The following RASSF5 variants were observed in gnomAD, a reference collection of about 807,000 sequenced individuals.
The protein encoded by RASSF5 is ras association domain-containing protein 5.
In RASSF5, 25 loss-of-function variants were observed where a neutral mutation model predicts 40.5. The observed-to-expected ratio is 0.62, with a 90% CI of 0.45 to 0.86. The LOEUF (loss-of-function observed/expected upper bound fraction) is 0.86, where lower values mean the gene tolerates loss of function less well. RASSF5 is among the 40% of genes least tolerant of loss of function. RASSF5 has a pLI of 0.00. For missense variants in RASSF5, 521 were observed against 572.8 expected (o/e 0.91, Z 0.92); for synonymous variants, 246 against 252.4 (o/e 0.97, Z 0.24).
At chr1:206,570,931 C>T (rs1668430968) in intron 2 of RASSF5, among the ~76,000 whole-genome samples, 1 of 152,090 alleles carries the variant, frequency 6.6e-6, no homozygotes, top group Non-Finnish European at 1.5e-5. Flanking sequence ...TCCTTGCTCT[C>T]ACATCTTCTG....
At chr1:206,529,172 C>G in intron 1 of RASSF5, 1 of 1,497,892 alleles carries the variant, frequency 6.7e-7, no homozygotes, top group Non-Finnish European at 9.0e-7. Flanking sequence ...CCCTGGACCG[C>G]CAAACAGCTA....
intron 2 of RASSF5, among the ~76,000 whole-genome samples, chr1:206,556,289 C>A (rs1223840241): frequency 6.6e-6 from 1 of 152,200 alleles, no homozygotes; most frequent in Non-Finnish European, 1.5e-5. Flanking sequence ...TGACTCCGAG[C>A]CTTACTTTTC....
At chr1:206,548,944 C>A (rs1667767858) in intron 2 of RASSF5, among the ~76,000 whole-genome samples, 1 of 152,044 alleles carries the variant, frequency 6.6e-6, no homozygotes, top group African/African-American at 2.4e-5. Context: ...CGGCTCACTG[C>A]AACCTCTGTC....
chr1:206,534,132 A>C (rs569904568), intron 1 of RASSF5, among the ~76,000 whole-genome samples: 4 of 152,344 alleles, frequency 2.6e-5, no homozygotes, highest in Admixed American at 2.0e-4. Context: ...ACTTGGTTCC[A>C]GTGGTCCTGG....
At chr1:206,566,884 C>T (rs562335822) in intron 2 of RASSF5, among the ~76,000 whole-genome samples, 12 of 152,224 alleles carry the variant, frequency 7.9e-5, no homozygotes, top group East Asian at 3.9e-4. Flanking sequence ...TCCCCTGGCA[C>T]GTGGTAAGTG....
chr1:206,548,904 T>C (rs7548167), intron 2 of RASSF5, among the ~76,000 whole-genome samples: 9,121 of 152,218 alleles, frequency 0.06, 891 homozygotes, highest in African/African-American at 0.21. Flanking sequence ...CTCGCTCTGT[T>C]GCCCGGGCTG....
At chr1:206,566,097 C>T (rs1293210597) in intron 2 of RASSF5, among the ~76,000 whole-genome samples, 4 of 152,126 alleles carry the variant, frequency 2.6e-5, no homozygotes, top group African/African-American at 9.7e-5. Context: ...ATGTCGCTGG[C>T]GGAATTTCTG....
intron 2 of RASSF5, among the ~76,000 whole-genome samples, chr1:206,541,462 G>A (rs145354139): frequency 1.4e-3 from 212 of 152,248 alleles, no homozygotes; most frequent in African/African-American, 4.6e-3. Context: ...AGAATCCCCA[G>A]TGGCAAACTC....
intron 2 of RASSF5, chr1:206,543,733 T>G (rs1454333189): frequency 1.3e-5 from 2 of 152,180 alleles, no homozygotes; most frequent in Admixed American, 6.5e-5. Flanking sequence ...AGCCAAATGC[T>G]TTTCATATGT....
At chr1:206,554,502 C>T (rs1018775296) in intron 2 of RASSF5, among the ~76,000 whole-genome samples, 2 of 152,186 alleles carry the variant, frequency 1.3e-5, no homozygotes, top group Admixed American at 6.5e-5. Context: ...AACCCCAGCA[C>T]GACGCCATGG....
intron 2 of RASSF5, among the ~76,000 whole-genome samples, chr1:206,574,076 C>A (rs1668548212): frequency 6.6e-6 from 1 of 152,220 alleles, no homozygotes; most frequent in Admixed American, 6.5e-5. Flanking sequence ...TATAATGAGG[C>A]TCTGCAGGGG....
At chr1:206,511,862 C>T (rs1666623623) in intron 1 of RASSF5, among the ~76,000 whole-genome samples, 3 of 152,258 alleles carry the variant, frequency 2.0e-5, no homozygotes, top group Admixed American at 2.0e-4. Flanking sequence ...CGTGACAGCC[C>T]CCGATCCTGC....
chr1:206,513,347 G>A lies in RASSF5; in HGVS notation c.457+5288G>A, dbSNP rs745889559. On this transcript the variant is annotated intron_variant, in intron 1 of 5. Coordinates refer to ENST00000579436, the MANE Select transcript of RASSF5 (RefSeq NM_182663.4). The surrounding 1 kb of genome is among the most constrained non-coding windows in gnomAD (Gnocchi z 5.0). ...GCCTCACCAGAGGCCCTTCCTGTTC[G>A]CATTCCTCAGATGGCAAGGTGAGTA... is the stretch of plus-strand genomic sequence containing the variant. Among the ~76,000 whole-genome samples, 3 of 152,198 alleles carry A rather than the reference G, an allele frequency of 2.0e-5. No individual in the cohort carries two copies. Among genetic ancestry groups the A allele is most frequent in the African/African-American group, 4.8e-5 (2 of 41,444 alleles).
Position 206,508,011 on chromosome 1 carries a change from T to C in RASSF5, c.409T>C (p.Cys137Arg), listed in dbSNP as rs1344063691. 3 of 1,484,998 alleles carry C rather than the reference T, an allele frequency of 2.0e-6. No homozygotes were observed. The highest frequency in any genetic ancestry group is 4.4e-5 in the Admixed American group (2 of 45,826). The allele number at this position is 1,484,998 out of a possible 1,614,324, so 92.0% of individuals were successfully genotyped here. Reference protein sequence around the residue: ...ELVLPGGPGWCDLCGREVLRQ... With the variant: ...ELVLPGGPGWRDLCGREVLRQ... ...GGTGCTGCCGGGCGGCCCCGGCTGG[T>C]GTGACCTGTGCGGACGAGAGGTGCT... The change falls in exon 1 of 6, where the codon TGT becomes CGT. Residue 137 changes from cysteine (C) to arginine (R), a missense_variant. Cys to Arg is a radical substitution (Grantham distance 180). Coordinates refer to ENST00000579436, the MANE Select transcript of RASSF5 (RefSeq NM_182663.4).
Position 206,507,985 on chromosome 1 carries a change from T to C in RASSF5, c.383T>C (p.Leu128Ser), listed in dbSNP as rs782782706. Residue 128 changes from leucine (L) to serine (S), a missense_variant, in exon 1 of 6, where the codon TTG (leucine) becomes TCG (serine). By Grantham distance (145) the Leu-to-Ser change is moderately radical (BLOSUM62 -2). Coordinates refer to ENST00000579436, the MANE Select transcript of RASSF5 (RefSeq NM_182663.4). ...ERGEGHCFAE[L>S]VLPGGPGWCD... ...GGCGAGGGGCACTGCTTCGCCGAGT[T>C]GGTGCTGCCGGGCGGCCCCGGCTGG... 6.5e-7 allele frequency: 1 copy of C among 1,533,038 alleles called. No homozygotes were observed. Among genetic ancestry groups the C allele is most frequent in the East Asian group, 2.6e-5 (1 of 38,944 alleles). 95.0% of individuals were successfully genotyped at this position (1,533,038 alleles called of 1,614,324 possible). A position where few individuals can be genotyped will look rare whatever the true frequency, so the allele number is the denominator to read the frequency against.
chr1:206,527,463 T>C (rs1169983586), intron 1 of RASSF5, among the ~76,000 whole-genome samples: 7 of 152,152 alleles, frequency 4.6e-5, no homozygotes, highest in Non-Finnish European at 1.0e-4. Flanking sequence ...CAGGAACCTT[T>C]GGCTGCTGCC....
chr1:206,551,208 A>G (rs757740757), intron 2 of RASSF5, among the ~76,000 whole-genome samples: 9 of 152,030 alleles, frequency 5.9e-5, no homozygotes, highest in Non-Finnish European at 1.0e-4. Flanking sequence ...CTCAGTCAGT[A>G]TTTCCTTAGC....
At chr1:206,580,330 G>A (rs996768490) in intron 2 of RASSF5, among the ~76,000 whole-genome samples, 3 of 152,194 alleles carry the variant, frequency 2.0e-5, no homozygotes, top group Non-Finnish European at 4.4e-5. Context: ...AGATCTTTCC[G>A]AAGCTTCTAG....
chr1:206,530,687 A>T (rs1048707316), intron 1 of RASSF5, among the ~76,000 whole-genome samples: 2 of 152,180 alleles, frequency 1.3e-5, no homozygotes, highest in African/African-American at 4.8e-5. Flanking sequence ...GGGAGGAGGG[A>T]TGTTCCAGGG....
Sources: allele counts gnomAD v4.1 joint callset (sites outside exome capture counted in the v4.1 genomes callset), GRCh38; gene constraint gnomAD v4.1.1; non-coding constraint Gnocchi (gnomAD v3.1); transcripts MANE v1.5; gene names NCBI Gene and HGNC (gene_info 2026-07-23, HGNC 2026-07-21).